NSUN6: variants seen among roughly 807,000 people sequenced by gnomAD.
NSUN6 encodes NOP2/Sun RNA methyltransferase 6.
NSUN6 carries 64 observed loss-of-function variants against 58.0 expected under a neutral mutation model. The observed-to-expected ratio is 1.10, with a 90% CI of 0.90 to 1.36. The LOEUF (loss-of-function observed/expected upper bound fraction) is 1.36, where lower values mean the gene tolerates loss of function less well. Among genes scored for constraint, NSUN6 ranks in the 40% most tolerant of loss-of-function variants. The pLI is 0.00. For missense variants in NSUN6, 701 were observed against 550.1 expected, an observed-to-expected ratio of 1.27 and a Z score of -2.74; for synonymous variants, 231 against 193.9, an observed-to-expected ratio of 1.19 and a Z score of -1.59.
At chr10:18,597,019 C>T (rs2057615961) in intron 6 of NSUN6, among the ~76,000 whole-genome samples, 1 of 152,116 alleles carries the variant, frequency 6.6e-6, no homozygotes, top group South Asian at 2.1e-4. Context: ...GCTTCCACCA[C>T]ATTTCAACAG....
chr10:18,570,490 TTCCATTCCATCCTCCTTTCCATTCCATTC>T (rs1169544637), intron 8 of NSUN6, among the ~76,000 whole-genome samples: 9 of 150,972 alleles, frequency 6.0e-5, no homozygotes, highest in Non-Finnish European at 1.3e-4. Context: ...CCACTTTCCA[TTCCATTCCATCCTCCTTTCCATTCCATTC>T]TCCATTCCAT....
chr10:18,586,322 G>A (rs935580105), intron 7 of NSUN6, among the ~76,000 whole-genome samples: 2 of 151,400 alleles, frequency 1.3e-5, no homozygotes, highest in Non-Finnish European at 2.9e-5. Flanking sequence ...AGACCCTTGC[G>A]ATGAGTGTTA....
intron 8 of NSUN6, among the ~76,000 whole-genome samples, chr10:18,583,934 C>G (rs906581051): frequency 8.5e-5 from 13 of 152,158 alleles, no homozygotes; most frequent in African/African-American, 3.1e-4. Flanking sequence ...CTACTCAGCC[C>G]TTCAGAAACG....
intron 8 of NSUN6, among the ~76,000 whole-genome samples, chr10:18,559,524 G>A (rs1000871325): frequency 1.3e-5 from 2 of 149,304 alleles, no homozygotes; most frequent in African/African-American, 2.5e-5. Flanking sequence ...GGATTGGAAT[G>A]GAACAGAATG....
chr10:18,597,969 A>G (rs1267168464), intron 6 of NSUN6, among the ~76,000 whole-genome samples: 2 of 152,216 alleles, frequency 1.3e-5, no homozygotes, highest in Non-Finnish European at 2.9e-5. Flanking sequence ...GCTAAGTGTC[A>G]GGCCTCTGAG....
chr10:18,609,593 C>T lies in NSUN6; in HGVS notation c.657+252G>A, dbSNP rs571093987. On this transcript the variant is annotated intron_variant, in intron 6 of 10. Coordinates refer to ENST00000377304, the MANE Select transcript of NSUN6 (RefSeq NM_182543.5). ...GGGATTAGTATTTTGAGATGGAAAG[C>T]AGTCATTTTAATCAGTTATTAAATC... Among the ~76,000 whole-genome samples, 8 of 152,144 alleles carry T rather than the reference C, an allele frequency of 5.3e-5. No homozygotes were observed. The East Asian group carries it at 1.5e-3, about 29-fold the overall frequency.
At chr10:18,555,390 G>C (rs567479879) in intron 8 of NSUN6, among the ~76,000 whole-genome samples, 1 of 150,944 alleles carries the variant, frequency 6.6e-6, no homozygotes. Context: ...GAATGGAATC[G>C]AATGGAGCAT....
rs894099095 is a variant in NSUN6, at chr10:18,607,695, G to A, written c.657+2150C>T. Among the ~76,000 whole-genome samples, 125 of 152,368 alleles carry A rather than the reference G, an allele frequency of 8.2e-4. 2 individuals carry two copies. The highest frequency in any genetic ancestry group is 2.8e-3 in the African/African-American group (117 of 41,584). On this transcript the variant is annotated intron_variant, in intron 6 of 10. Coordinates refer to ENST00000377304, the MANE Select transcript of NSUN6 (RefSeq NM_182543.5). The stretch of plus-strand genomic sequence containing the variant: ...TTCAAAAGGCCCTGCTGGTGACTCA[G>A]ATGCAGATCTTCCAAGGGTTACATC...
At chr10:18,615,049 A>C (rs1224690789) in intron 4 of NSUN6, among the ~76,000 whole-genome samples, 1 of 151,680 alleles carries the variant, frequency 6.6e-6, no homozygotes, top group Admixed American at 6.6e-5. Flanking sequence ...TGTATTTGCT[A>C]TTTTGATATG....
chr10:18,591,254 TA>T (rs2057367361), intron 7 of NSUN6, among the ~76,000 whole-genome samples: 1 of 151,736 alleles, frequency 6.6e-6, no homozygotes, highest in Non-Finnish European at 1.5e-5. Flanking sequence ...GCCTACCAAC[TA>T]AAAAAAGCCC....
At chr10:18,603,461 T>C (rs2057925224) in intron 6 of NSUN6, among the ~76,000 whole-genome samples, 1 of 150,684 alleles carries the variant, frequency 6.6e-6, no homozygotes, top group African/African-American at 2.4e-5. Flanking sequence ...CACGCTCTTT[T>C]TCTTTTCTTT....
In NSUN6 at chr10:18,638,543, C is replaced by A. The variant is rs187299919; in HGVS notation, c.311+3933G>T. On this transcript the variant is annotated intron_variant, in intron 3 of 10. Transcript: ENST00000377304. ...TGAAGTTCAGTAACTAAAAATCCCACAGGTCTCTAAGCAAAAGACAAGGTA... is the reference window on the plus strand; with the variant it reads ...TGAAGTTCAGTAACTAAAAATCCCAAAGGTCTCTAAGCAAAAGACAAGGTA... 1.3e-3 allele frequency among the ~76,000 whole-genome samples: 196 copies of A among 152,230 alleles called. 1 individual carries two copies. The highest frequency in any genetic ancestry group is 4.5e-3 in the African/African-American group (188 of 41,554).
At chr10:18,657,490 T>TA (rs748402359), upstream of NSUN6, among the ~76,000 whole-genome samples, 6 of 152,194 alleles carry the variant, frequency 3.9e-5, no homozygotes, top group Non-Finnish European at 8.8e-5. Context: ...TTCAAATAAA[T>TA]ACATTCATTC....
At position 18,614,475 on chromosome 10, in the gene NSUN6, C is replaced by A. The variant is rs2058341928; in HGVS notation, c.560G>T (p.Gly187Val). 1 of 1,545,194 alleles carries A rather than the reference C, an allele frequency of 6.5e-7. No homozygotes were observed. Among genetic ancestry groups the A allele is most frequent in the Non-Finnish European group, 8.7e-7 (1 of 1,149,490 alleles). Residue 187 changes from glycine to valine, a missense_variant, in exon 5 of 11, where the codon GGA (glycine) becomes GTA (valine). By Grantham distance (109) the Gly-to-Val change is moderately radical. Coordinates refer to ENST00000377304, the MANE Select transcript of NSUN6 (RefSeq NM_182543.5). ...SELSRKEIFS[G>V]LPELKGMGIR... Reference sequence around the variant, plus strand: ...GATGACATACTTCAGTTCAGGTAATCCACTGAAGATTTCTTTGCGGCTTAG... The same window carrying A: ...GATGACATACTTCAGTTCAGGTAATACACTGAAGATTTCTTTGCGGCTTAG...
At chr10:18,565,248 C>G (rs1212577802) in intron 8 of NSUN6, among the ~76,000 whole-genome samples, 1 of 150,814 alleles carries the variant, frequency 6.6e-6, no homozygotes, top group South Asian at 2.1e-4. Context: ...CATTCCATTC[C>G]GTTTTCCATT....
intron 8 of NSUN6, among the ~76,000 whole-genome samples, chr10:18,557,920 G>C (rs777312600): frequency 1.3e-5 from 2 of 151,630 alleles, no homozygotes; most frequent in Non-Finnish European, 2.9e-5. Context: ...GAATGGTGTG[G>C]AATGGAAGGG....
At chr10:18,628,961 C>T (rs2058928975) in intron 3 of NSUN6, among the ~76,000 whole-genome samples, 1 of 152,064 alleles carries the variant, frequency 6.6e-6, no homozygotes, top group Admixed American at 6.6e-5. Flanking sequence ...GTCAGATTCA[C>T]CAAAGTTGAA....
intron 8 of NSUN6, among the ~76,000 whole-genome samples, chr10:18,553,970 G>A (rs1344017012): frequency 1.3e-5 from 2 of 150,392 alleles, no homozygotes; most frequent in South Asian, 2.1e-4. Context: ...GGAATGGAAT[G>A]GAATCGACAA....
upstream of NSUN6, chr10:18,651,759 AGGCTCT>A: frequency 1.0e-6 from 1 of 985,442 alleles, no homozygotes; most frequent in Non-Finnish European, 1.2e-6. Flanking sequence ...ACCCTGCGTG[AGGCTCT>A]TTCACCTGCC....
Sources: gnomAD v4.1 joint callset for allele counts (sites outside exome capture counted in the v4.1 genomes callset) on GRCh38, gnomAD v4.1.1 for gene constraint, MANE v1.5 for transcripts, NCBI Gene and HGNC (gene_info 2026-07-23, HGNC 2026-07-21) for gene names.